The following MSH3 variants were observed in gnomAD, a reference collection of about 807,000 sequenced individuals.
MSH3 encodes mutS homolog 3.
MSH3 carries 106 observed loss-of-function variants against 123.3 expected under a neutral mutation model. The ratio of observed to expected loss-of-function variants is 0.86; its 90% CI spans 0.73 to 1.01. The LOEUF (loss-of-function observed/expected upper bound fraction) is 1.01, where lower values mean the gene tolerates loss of function less well. Among genes scored for constraint, MSH3 ranks in the 50% least tolerant of loss-of-function variants. MSH3 has a pLI of 0.00. For missense variants in MSH3, 1,459 were observed against 1,347.6 expected, an observed-to-expected ratio of 1.08 and a Z score of -1.29; for synonymous variants, 515 against 481.4, an observed-to-expected ratio of 1.07 and a Z score of -0.91.
At chr5:80,778,618 A>G (rs1744348020) in intron 16 of MSH3, 102 bp from the exon 17 acceptor site, 3 of 767,358 alleles carry the variant, frequency 3.9e-6, no homozygotes, top group Non-Finnish European at 7.2e-6. Flanking sequence ...TTTACTTTCA[A>G]GGTTCATCAG....
chr5:80,828,954 G>GGCAGTTCT (rs1383489288), intron 20 of MSH3, among the ~76,000 whole-genome samples: 1 of 152,182 alleles, frequency 6.6e-6, no homozygotes, highest in East Asian at 1.9e-4. Flanking sequence ...GCTGAATGCT[G>GGCAGTTCT]GCAGTTCTAC....
At chr5:80,720,426 A>G (rs755976461) in intron 8 of MSH3, among the ~76,000 whole-genome samples, 4 of 151,784 alleles carry the variant, frequency 2.6e-5, no homozygotes. Context: ...CAATCTTTCA[A>G]ATCTCCTCTT....
At chr5:80,875,037 G>A (rs546547176) in intron 23 of MSH3, among the ~76,000 whole-genome samples, 65 of 152,326 alleles carry the variant, frequency 4.3e-4, no homozygotes, top group Non-Finnish European at 8.4e-4. Context: ...TATAATAGTT[G>A]CTATTTGTTG....
chr5:80,780,079 C>G (rs1744383057), intron 17 of MSH3, among the ~76,000 whole-genome samples: 1 of 152,140 alleles, frequency 6.6e-6, no homozygotes, highest in African/African-American at 2.4e-5. Flanking sequence ...GCCATTGTCT[C>G]AAAGAATGCC....
At chr5:80,787,517 T>G in intron 17 of MSH3, 48 bp from the exon 18 acceptor site, 1 of 1,191,194 alleles carries the variant, frequency 8.4e-7, no homozygotes, top group Non-Finnish European at 1.3e-6. Flanking sequence ...ATTATAGGTT[T>G]AAGATATCAG....
In MSH3 at chr5:80,672,183, A is replaced by G. The variant is rs1292166140; in HGVS notation, c.793-61A>G. ...TGATTAATTTTTAATAAAGTGAACC[A>G]ACATCACATAGGGAATCTTAAAATA... On this transcript the variant is annotated intron_variant, in intron 4 of 23. Transcript: ENST00000265081. 3 of 1,190,178 alleles carry G rather than the reference A, an allele frequency of 2.5e-6. No homozygotes were observed. In the African/African-American group the frequency reaches 4.6e-5, roughly 18 times the overall value. 73.7% of individuals were successfully genotyped at this position (1,190,178 alleles called of 1,614,324 possible).
At position 80,690,873 on chromosome 5, in the gene MSH3, G is replaced by A. The variant is rs183894374; in HGVS notation, c.1340+11780G>A. Among the ~76,000 whole-genome samples, 180 of 152,114 alleles carry A rather than the reference G, an allele frequency of 1.2e-3. 1 individual carries two copies. Among genetic ancestry groups the A allele is most frequent in the Middle Eastern group, 6.8e-3 (2 of 292 alleles). ...CCAGAGTATATCACGTGTAGTAAGG[G>A]TAAGTATTTCATGAAATTCCTTTTT... is the stretch of plus-strand genomic sequence containing the variant. On this transcript the variant is annotated intron_variant, in intron 8 of 23. Transcript: ENST00000265081.
chr5:80,876,726 A>T lies in MSH3; in HGVS notation c.*864A>T, dbSNP rs908541726. Among the ~76,000 whole-genome samples, 4 of 152,220 alleles carry T rather than the reference A, an allele frequency of 2.6e-5. No individual in the cohort carries two copies. The highest frequency in any genetic ancestry group is 9.6e-5 in the African/African-American group (4 of 41,462). On this transcript the variant is annotated 3_prime_UTR_variant, in exon 24 of 24. Transcript: ENST00000265081. ...GGTCATGAAATTTAAAAGGTTAAAT[A>T]TTGTCATAGGATTAAGCAGTTTAAA... is the stretch of plus-strand genomic sequence containing the variant.
At chr5:80,869,335 A>G (rs1247288825) in intron 22 of MSH3, among the ~76,000 whole-genome samples, 1 of 152,200 alleles carries the variant, frequency 6.6e-6, no homozygotes, top group Non-Finnish European at 1.5e-5. Context: ...AATAATGTCC[A>G]TTTAAGAAAT....
intron 10 of MSH3, among the ~76,000 whole-genome samples, 179 bp downstream of exon 10, chr5:80,729,144 G>A (rs568483505): frequency 3.9e-5 from 6 of 152,136 alleles, no homozygotes; most frequent in East Asian, 3.9e-4. Context: ...GGCTGGGCAC[G>A]GTGGCTCATG....
chr5:80,861,381 G>A (rs1023129827), intron 21 of MSH3, among the ~76,000 whole-genome samples: 1 of 152,040 alleles, frequency 6.6e-6, no homozygotes, highest in Admixed American at 6.5e-5. Flanking sequence ...GGCTAGAGTG[G>A]GCTGGAGTTG....
intron 20 of MSH3, among the ~76,000 whole-genome samples, chr5:80,836,615 C>A (rs1175801940): frequency 6.7e-6 from 1 of 149,822 alleles, no homozygotes; most frequent in Non-Finnish European, 1.5e-5. Flanking sequence ...GGTTTCAGGA[C>A]CCCCCAGTAT....
At chr5:80,857,205 G>C (rs961694349) in intron 21 of MSH3, among the ~76,000 whole-genome samples, 1 of 152,114 alleles carries the variant, frequency 6.6e-6, no homozygotes, top group Non-Finnish European at 1.5e-5. Context: ...ACGTTAACTG[G>C]TGTTCAAATG....
chr5:80,815,708 A>G (rs2112057555), intron 20 of MSH3, among the ~76,000 whole-genome samples: 1 of 152,278 alleles, frequency 6.6e-6, no homozygotes, highest in African/African-American at 2.4e-5. Context: ...AGGACATAGT[A>G]GGTTTTTAGG....
rs1744750983 is a variant in MSH3, at chr5:80,799,336, A to G, written c.2655+6492A>G. 2.0e-5 allele frequency among the ~76,000 whole-genome samples: 3 copies of G among 152,176 alleles called. 1 individual carries two copies. In the South Asian group the frequency reaches 6.2e-4, roughly 32 times the overall value. ...CTCGTCTGGAGGAGGCTTTGACTCA[A>G]GAGTCTCTTACCATAACCTGCTGTT... is the stretch of plus-strand genomic sequence containing the variant. On this transcript the variant is annotated intron_variant, in intron 19 of 23. Transcript: ENST00000265081.
intron 20 of MSH3, among the ~76,000 whole-genome samples, chr5:80,832,594 C>G (rs186436826): frequency 1.3e-5 from 2 of 149,856 alleles, no homozygotes; most frequent in Admixed American, 1.3e-4. Flanking sequence ...ACTCCAGCCT[C>G]GGTGACAGAG....
intron 8 of MSH3, among the ~76,000 whole-genome samples, chr5:80,687,439 A>G (rs1484540612): frequency 6.6e-6 from 1 of 152,266 alleles, no homozygotes; most frequent in Admixed American, 6.5e-5. Flanking sequence ...TCAGGTGAAC[A>G]TCACAAATGA....
intron 21 of MSH3, among the ~76,000 whole-genome samples, chr5:80,854,950 CT>C (rs1315425484): frequency 6.6e-6 from 1 of 152,058 alleles, no homozygotes; most frequent in Admixed American, 6.6e-5. Context: ...TTGTGAAATC[CT>C]TTTTTTCACC....
intron 20 of MSH3, among the ~76,000 whole-genome samples, chr5:80,851,136 C>G: frequency 6.6e-6 from 1 of 151,946 alleles, no homozygotes. Flanking sequence ...TTGATTTTTT[C>G]CAGCTTTTCA....
Sources: gnomAD v4.1 joint callset for allele counts (sites outside exome capture counted in the v4.1 genomes callset) on GRCh38, gnomAD v4.1.1 for gene constraint, MANE v1.5 for transcripts, NCBI Gene and HGNC (gene_info 2026-07-23, HGNC 2026-07-21) for gene names.